PLCXD3: variants seen among roughly 807,000 people sequenced by gnomAD.
The protein encoded by PLCXD3 is phosphatidylinositol specific phospholipase C X domain containing 3, also known as PI-PLC X domain-containing protein 3.
Under a neutral mutation model 25.5 loss-of-function variants are expected in PLCXD3, and 19 were observed. The observed-to-expected ratio is 0.75, with a 90% CI of 0.52 to 1.09. The LOEUF (loss-of-function observed/expected upper bound fraction) is 1.09, where lower values mean the gene tolerates loss of function less well. Ranked by LOEUF, PLCXD3 falls within the 50% of genes least tolerant of loss-of-function variation. The pLI is 0.00. For missense variants in PLCXD3, 411 were observed against 388.1 expected, an observed-to-expected ratio of 1.06 and a Z score of -0.50; for synonymous variants, 174 against 137.6, an observed-to-expected ratio of 1.26 and a Z score of -1.85.
intron 1 of PLCXD3, among the ~76,000 whole-genome samples, chr5:41,391,056 T>C (rs1005721880): frequency 1.3e-5 from 2 of 152,048 alleles, no homozygotes; most frequent in Non-Finnish European, 2.9e-5. Context: ...ATCCCAGTGG[T>C]CCAAACTTGA....
intron 2 of PLCXD3, among the ~76,000 whole-genome samples, chr5:41,324,501 G>A (rs1305136577): frequency 6.6e-6 from 1 of 152,182 alleles, no homozygotes; most frequent in East Asian, 1.9e-4. Context: ...ATGGCCCAAT[G>A]CCTTTAGGAA....
intron 1 of PLCXD3, among the ~76,000 whole-genome samples, chr5:41,421,267 C>A (rs1746814119): frequency 6.6e-6 from 1 of 152,136 alleles, no homozygotes; most frequent in Non-Finnish European, 1.5e-5. Context: ...ATTATTCAAT[C>A]CCTAATTCTT....
At chr5:41,481,591 C>T (rs1748414684) in intron 1 of PLCXD3, among the ~76,000 whole-genome samples, 1 of 152,214 alleles carries the variant, frequency 6.6e-6, no homozygotes, top group Non-Finnish European at 1.5e-5. Context: ...CAGTCAAAAG[C>T]AGAGATGCTG....
chr5:41,368,459 T>TA (rs1444534046), intron 2 of PLCXD3, among the ~76,000 whole-genome samples: 1 of 152,222 alleles, frequency 6.6e-6, no homozygotes, highest in African/African-American at 2.4e-5. Flanking sequence ...GCTTTCTAGA[T>TA]ATAGGATTAT....
chr5:41,487,188 C>CATATT (rs1748538948), intron 1 of PLCXD3, among the ~76,000 whole-genome samples: 1 of 152,068 alleles, frequency 6.6e-6, no homozygotes, highest in Admixed American at 6.6e-5. Context: ...GAAACAAAAT[C>CATATT]TTATTTTATT....
chr5:41,440,790 C>G (rs1747368116), intron 1 of PLCXD3, among the ~76,000 whole-genome samples: 2 of 152,098 alleles, frequency 1.3e-5, no homozygotes, highest in Admixed American at 6.5e-5. Context: ...CCAACCAACC[C>G]ACAGGTGAAT....
chr5:41,351,117 C>A (rs958666133), intron 2 of PLCXD3, among the ~76,000 whole-genome samples: 9 of 152,088 alleles, frequency 5.9e-5, no homozygotes, highest in Admixed American at 1.3e-4. Flanking sequence ...ACCACAAATC[C>A]TCAGAGCAGA....
intron 1 of PLCXD3, among the ~76,000 whole-genome samples, chr5:41,471,467 A>G (rs971180490): frequency 3.3e-5 from 5 of 152,194 alleles, no homozygotes; most frequent in African/African-American, 1.2e-4. Context: ...AGGAGTATTT[A>G]AACCAGTCCT....
chr5:41,478,093 C>T (rs541433584), intron 1 of PLCXD3, among the ~76,000 whole-genome samples: 5 of 152,250 alleles, frequency 3.3e-5, no homozygotes, highest in Non-Finnish European at 7.4e-5. Context: ...GATAGGCTGG[C>T]CATGTTTTTC....
intron 1 of PLCXD3, among the ~76,000 whole-genome samples, chr5:41,474,593 C>T (rs1356433303): frequency 6.6e-6 from 1 of 152,298 alleles, no homozygotes; most frequent in South Asian, 2.1e-4. Flanking sequence ...AGATAAATCT[C>T]TCTCCTAGTT....
intron 1 of PLCXD3, among the ~76,000 whole-genome samples, chr5:41,506,302 A>G (rs1749050584): frequency 6.6e-6 from 1 of 152,262 alleles, no homozygotes. Flanking sequence ...TTGATTCATC[A>G]AGAAAAGTCC....
chr5:41,358,700 TC>T (rs1744687897), intron 2 of PLCXD3, among the ~76,000 whole-genome samples: 2 of 152,188 alleles, frequency 1.3e-5, no homozygotes, highest in South Asian at 4.1e-4. Flanking sequence ...GATTTGGATG[TC>T]CTTTATTTCT....
At chr5:41,407,542 C>A (rs1250945501) in intron 1 of PLCXD3, among the ~76,000 whole-genome samples, 3 of 152,096 alleles carry the variant, frequency 2.0e-5, no homozygotes, top group Non-Finnish European at 2.9e-5. Flanking sequence ...TTTTTCCTGG[C>A]ACATAATTTT....
chr5:41,499,260 T>A (rs1748902693), intron 1 of PLCXD3, among the ~76,000 whole-genome samples: 1 of 151,602 alleles, frequency 6.6e-6, no homozygotes, highest in Non-Finnish European at 1.5e-5. Context: ...TAGATTCCAA[T>A]AAATAAATAA....
intron 2 of PLCXD3, among the ~76,000 whole-genome samples, chr5:41,335,060 G>T (rs533365286): frequency 1.3e-5 from 2 of 152,128 alleles, no homozygotes; most frequent in African/African-American, 4.8e-5. Context: ...CTTCTGTGTG[G>T]GATCACATGT....
chr5:41,497,837 G>A (rs1248592013), intron 1 of PLCXD3, among the ~76,000 whole-genome samples: 2 of 151,772 alleles, frequency 1.3e-5, no homozygotes, highest in Non-Finnish European at 3.0e-5. Context: ...TATCCTTCAA[G>A]TATCTTCTTC....
At chr5:41,507,817 T>A (rs566417826) in intron 1 of PLCXD3, among the ~76,000 whole-genome samples, 2 of 152,244 alleles carry the variant, frequency 1.3e-5, no homozygotes, top group African/African-American at 4.8e-5. Context: ...CTGTAGCAAC[T>A]GGCCAAGTAA....
chr5:41,414,363 C>T (rs1341192454), intron 1 of PLCXD3, among the ~76,000 whole-genome samples: 5 of 152,126 alleles, frequency 3.3e-5, no homozygotes, highest in Admixed American at 6.6e-5. Context: ...CCACCATGCT[C>T]GGCTAATTTT....
At chr5:41,508,743 T>TA (rs1435213683) in intron 1 of PLCXD3, among the ~76,000 whole-genome samples, 13 of 152,180 alleles carry the variant, frequency 8.5e-5, no homozygotes, top group Non-Finnish European at 1.0e-4. Context: ...TCTATGCATA[T>TA]AAAAACATTC....
Sources: gnomAD v4.1 joint callset for allele counts (sites outside exome capture counted in the v4.1 genomes callset) on GRCh38, gnomAD v4.1.1 for gene constraint, MANE v1.5 for transcripts, NCBI Gene and HGNC (gene_info 2026-07-23, HGNC 2026-07-21) for gene names.